RBMS3: variants seen among roughly 807,000 people sequenced by gnomAD.
RBMS3 encodes the protein RNA binding motif single stranded interacting protein 3, also known as RNA-binding motif, single-stranded-interacting protein 3.
A neutral mutation model predicts 66.8 loss-of-function variants in RBMS3; 27 were observed. The observed-to-expected ratio is 0.40, with a 90% confidence interval of 0.30 to 0.56. RBMS3 has a LOEUF of 0.56. Among genes scored for constraint, RBMS3 ranks in the 20% least tolerant of loss-of-function variants. RBMS3 has a pLI of 0.40. For missense variants in RBMS3, 513 were observed against 549.5 expected, an observed-to-expected ratio of 0.93 and a Z score of 0.66; for synonymous variants, 188 against 183.0, an observed-to-expected ratio of 1.03 and a Z score of -0.22.
intron 1 of RBMS3, among the ~76,000 whole-genome samples, chr3:29,303,848 G>A (rs1192227163): frequency 9.2e-5 from 14 of 151,974 alleles, no homozygotes; most frequent in Admixed American, 1.3e-4. Context: ...ACAGTCCCAC[G>A]TGGCTGGGGA....
intron 6 of RBMS3, among the ~76,000 whole-genome samples, chr3:29,779,179 T>C (rs1037607901): frequency 2.6e-5 from 4 of 151,868 alleles, no homozygotes; most frequent in African/African-American, 9.7e-5. Context: ...GTGGTTCTTT[T>C]GTTTTAAAGG....
intron 1 of RBMS3, among the ~76,000 whole-genome samples, chr3:29,373,246 G>T (rs528008076): frequency 6.6e-6 from 1 of 152,234 alleles, no homozygotes; most frequent in African/African-American, 2.4e-5. Context: ...AATCCAGTGA[G>T]TTCTCAGCAC....
intron 3 of RBMS3, among the ~76,000 whole-genome samples, chr3:29,522,343 C>G (rs999374450): frequency 2.0e-4 from 31 of 152,270 alleles, no homozygotes; most frequent in African/African-American, 7.5e-4. Flanking sequence ...CAGGCCCCCA[C>G]CACCATGCCC....
chr3:29,418,039 T>TC (rs11456649), intron 1 of RBMS3, among the ~76,000 whole-genome samples: 56,294 of 151,744 alleles, frequency 0.37, 10,671 homozygotes, highest in East Asian at 0.51. Context: ...TTTCTAGTTT[T>TC]CCCCTTTGGG....
At chr3:29,773,222 G>A (rs1277856384) in intron 6 of RBMS3, among the ~76,000 whole-genome samples, 1 of 151,990 alleles carries the variant, frequency 6.6e-6, no homozygotes. Flanking sequence ...ATGAAACGGG[G>A]ATTGTCCTAA....
chr3:29,390,816 TGAAAA>T (rs2039256324), intron 1 of RBMS3: 1 of 154,684 alleles, frequency 6.5e-6, no homozygotes, highest in African/African-American at 2.4e-5. Context: ...GAGGAGGCAT[TGAAAA>T]TTGGGATTCA....
chr3:29,852,700 A>T (rs143323844), intron 6 of RBMS3, among the ~76,000 whole-genome samples: 12 of 152,198 alleles, frequency 7.9e-5, no homozygotes, highest in African/African-American at 2.9e-4. Flanking sequence ...GGAACACATA[A>T]ACTGTTGGTA....
intron 1 of RBMS3, among the ~76,000 whole-genome samples, chr3:29,362,010 A>G (rs1208673961): frequency 6.6e-6 from 1 of 152,194 alleles, no homozygotes; most frequent in Non-Finnish European, 1.5e-5. Flanking sequence ...TCTTTAGCTC[A>G]GAGAAGTTTG....
intron 6 of RBMS3, among the ~76,000 whole-genome samples, chr3:29,822,532 G>A (rs927611641): frequency 2.6e-5 from 4 of 152,020 alleles, no homozygotes; most frequent in Admixed American, 2.0e-4. Flanking sequence ...GAGACACTTC[G>A]ATTATTTTGG....
chr3:29,426,934 T>C (rs995892775), intron 1 of RBMS3, among the ~76,000 whole-genome samples: 19 of 152,340 alleles, frequency 1.2e-4, no homozygotes, highest in African/African-American at 4.6e-4. Flanking sequence ...AACACTCCAA[T>C]GAAGTGAAAT....
At chr3:29,836,638 G>A (rs952420601) in intron 6 of RBMS3, among the ~76,000 whole-genome samples, 2 of 151,834 alleles carry the variant, frequency 1.3e-5, no homozygotes, top group South Asian at 2.1e-4. Flanking sequence ...ATGTACATAC[G>A]GTGACTATAG....
rs1336272827 is a variant in RBMS3 at position 29,384,429 on chromosome 3, T to TAAGAAGAAGAAGAAG, written c.76-50312_76-50311insGAAGAAGAAGAAGAA. On this transcript the variant is annotated intron_variant, in intron 1 of 14. Transcript: ENST00000383767. ...TAAACATATACACCAATAATAATAA[T>TAAGAAGAAGAAGAAG]AATAATAAGAAGAAGAAGAAGAAGA... Among the ~76,000 whole-genome samples the TAAGAAGAAGAAGAAG allele has an allele frequency of 5.1e-3, 490 of 95,946 alleles. 2 individuals carry two copies. Among genetic ancestry groups the TAAGAAGAAGAAGAAG allele is most frequent in the African/African-American group, 7.9e-3 (223 of 28,394 alleles). 62.9% of individuals were successfully genotyped at this position (95,946 alleles called of 152,430 possible).
chr3:29,645,881 C>T (rs1004419441), intron 4 of RBMS3, among the ~76,000 whole-genome samples: 8 of 152,176 alleles, frequency 5.3e-5, no homozygotes, highest in African/African-American at 1.9e-4. Flanking sequence ...TTATCACCCA[C>T]CCATATAGAT....
intron 6 of RBMS3, among the ~76,000 whole-genome samples, chr3:29,764,485 A>G (rs1210963004): frequency 1.3e-5 from 2 of 151,652 alleles, no homozygotes; most frequent in Non-Finnish European, 1.5e-5. Flanking sequence ...TGTTTGTCCT[A>G]TTTCATCCAA....
At chr3:29,388,849 T>A (rs779130599) in intron 1 of RBMS3, among the ~76,000 whole-genome samples, 2 of 152,028 alleles carry the variant, frequency 1.3e-5, no homozygotes, top group East Asian at 1.9e-4. Context: ...CAGGCGTGAG[T>A]CACTGCGCCT....
chr3:29,343,509 TTAAA>T (rs546558408), intron 1 of RBMS3, among the ~76,000 whole-genome samples: 118 of 152,318 alleles, frequency 7.7e-4, no homozygotes, highest in Admixed American at 2.5e-3. Flanking sequence ...ATAGTTTCCC[TTAAA>T]TAGACGGCTA....
intron 3 of RBMS3, among the ~76,000 whole-genome samples, chr3:29,553,054 T>C (rs1278715727): frequency 6.6e-6 from 1 of 152,122 alleles, no homozygotes; most frequent in Non-Finnish European, 1.5e-5. Flanking sequence ...TCATAGGCAG[T>C]TTTGAGCATT....
chr3:29,715,670 A>T (rs1307996307), intron 4 of RBMS3, among the ~76,000 whole-genome samples: 1 of 152,116 alleles, frequency 6.6e-6, no homozygotes, highest in Non-Finnish European at 1.5e-5. Flanking sequence ...TTTTCTGATT[A>T]ACTTCATTTC....
intron 1 of RBMS3, among the ~76,000 whole-genome samples, chr3:29,288,226 G>C (rs2032524784): frequency 6.6e-6 from 1 of 151,940 alleles, no homozygotes; most frequent in Non-Finnish European, 1.5e-5. Flanking sequence ...GTATCTTAGT[G>C]GTATCTTCAG....
Sources: allele counts gnomAD v4.1 joint callset (sites outside exome capture counted in the v4.1 genomes callset), GRCh38; gene constraint gnomAD v4.1.1; transcripts MANE v1.5; gene names NCBI Gene and HGNC (gene_info 2026-07-23, HGNC 2026-07-21).